Variants in DDIAS observed in about 807,000 individuals in gnomAD.
DDIAS encodes DNA damage-induced apoptosis suppressor protein.
DDIAS carries 14 observed loss-of-function variants against 15.7 expected under a neutral mutation model. The ratio of observed to expected loss-of-function variants is 0.89; its 90% CI spans 0.59 to 1.39. The LOEUF (loss-of-function observed/expected upper bound fraction) is 1.39, where lower values mean the gene tolerates loss of function less well. DDIAS is among the 40% of genes most tolerant of loss of function. The pLI, the probability that DDIAS is intolerant of heterozygous loss-of-function variation, is 0.00. For missense variants in DDIAS, 1,035 were observed against 1,130.9 expected, an observed-to-expected ratio of 0.92 and a Z score of 1.22; for synonymous variants, 355 against 395.9, an observed-to-expected ratio of 0.90 and a Z score of 1.23.
chr11:82,927,920 C>A (rs1590810393), intron 3 of DDIAS, among the ~76,000 whole-genome samples: 1 of 152,084 alleles, frequency 6.6e-6, no homozygotes, highest in Non-Finnish European at 1.5e-5. Flanking sequence ...AACTGTCAGA[C>A]AATGAGTACA....
At chr11:82,909,462 A>G (rs1468685372) in intron 1 of DDIAS, 2 of 152,182 alleles carry the variant, frequency 1.3e-5, no homozygotes, top group Non-Finnish European at 2.9e-5. Flanking sequence ...TCAGCCCAGT[A>G]TGTCTCAGCT....
intron 3 of DDIAS, 101 bp from the exon 4 acceptor site, chr11:82,928,676 T>A: frequency 8.1e-7 from 1 of 1,238,772 alleles, no homozygotes; most frequent in Non-Finnish European, 1.1e-6. Context: ...TAGGAGCATT[T>A]ATACACAAAA....
intron 1 of DDIAS, chr11:82,909,351 T>C (rs1448293160): frequency 6.6e-6 from 1 of 152,204 alleles, no homozygotes; most frequent in African/African-American, 2.4e-5. Context: ...AGCAGGCTTC[T>C]TTACTGCAAC....
chr11:82,932,418 G>A lies in DDIAS; in HGVS notation c.1080G>A (p.Val360=). ...ATACAAAATCCTTCCACAGTGCAGT[G>A]GAAATTAAAAATAGGTCCCAGCATG... is the stretch of plus-strand genomic sequence containing the variant. ...SSNTKSFHSA[V]EIKNRSQHEL... is the part of the protein sequence containing the mutation. Residue 360 remains valine, a synonymous_variant, in exon 6 of 6, where the codon GTG becomes GTA. Coordinates refer to ENST00000533655, the MANE Select transcript of DDIAS (RefSeq NM_145018.4). 2 of 1,614,082 alleles carry A rather than the reference G, an allele frequency of 1.2e-6. No homozygotes were observed. Among genetic ancestry groups the A allele is most frequent in the Non-Finnish European group, 1.7e-6 (2 of 1,179,996 alleles).
chr11:82,928,894 T>G lies in DDIAS; in HGVS notation c.231T>G (p.Ser77Arg). Residue 77 changes from serine (S) to arginine (R), a missense_variant, in exon 4 of 6, where the codon AGT becomes AGG. Physicochemically the swap from Ser to Arg is moderately radical, Grantham distance 110. Transcript: ENST00000533655. ...TGTTTGTTATTACTGTATTTGGAAG[T>G]TGCTTAGATACATTTTTTGGTCTTA... ...NKLFVITVFG[S>R]CLDTFFGLTA... 6.8e-6 allele frequency: 11 copies of G among 1,612,538 alleles called. No individual in the cohort carries two copies. Among genetic ancestry groups the G allele is most frequent in the Non-Finnish European group, 8.5e-6 (10 of 1,179,612 alleles).
At chr11:82,928,677 A>T in intron 3 of DDIAS, 100 bp from the exon 4 acceptor site, 1 of 1,244,058 alleles carries the variant, frequency 8.0e-7, no homozygotes, top group Non-Finnish European at 1.1e-6. Flanking sequence ...AGGAGCATTT[A>T]TACACAAAAT....
chr11:82,933,522 C>G lies in DDIAS; in HGVS notation c.2184C>G (p.Ile728Met). Residue 728 changes from isoleucine to methionine, a missense_variant, in exon 6 of 6, where the codon ATC (isoleucine) becomes ATG (methionine). By Grantham distance (10) the Ile-to-Met change is conservative. Coordinates refer to ENST00000533655, the MANE Select transcript of DDIAS (RefSeq NM_145018.4). ...FSLRSLSEDF[I>M]QPSQKLSLQS... ...TGAGATCACTTTCTGAAGACTTCAT[C>G]CAGCCTTCACAAAAATTATCCTTGC... The G allele has an allele frequency of 6.2e-7, 1 of 1,613,966 alleles. No homozygotes were observed. The highest frequency in any genetic ancestry group is 8.5e-7 in the Non-Finnish European group (1 of 1,179,918).
In DDIAS at chr11:82,933,568, C is replaced by G. The variant is rs772736577; in HGVS notation, c.2230C>G (p.His744Asp). The G allele has an allele frequency of 6.2e-7, 1 of 1,614,040 alleles. No individual in the cohort carries two copies. Residue 744 changes from histidine to aspartate, a missense_variant, in exon 6 of 6, where the codon CAT (histidine) becomes GAT (aspartate). His to Asp is a moderately conservative substitution (Grantham distance 81, BLOSUM62 -1). Transcript: ENST00000533655. ...CTTGCAAAGCCTATCTGACTCTAGG[C>G]ATTCAAGAACATGCTCTCCAACACC... is the stretch of plus-strand genomic sequence containing the variant. ...LSLQSLSDSR[H>D]SRTCSPTPHF...
In DDIAS at chr11:82,934,092, G is replaced by A; in HGVS notation, c.2754G>A (p.Lys918=). ...IRQGTNKGLI[K]KKLKNMLAAV... ...AAGGAACCAATAAAGGTTTAATTAA[G>A]AAGAAATTAAAGAATATGCTTGCAG... Residue 918 remains lysine (K), a synonymous_variant, in exon 6 of 6, where the codon AAG becomes AAA. Transcript: ENST00000533655. The A allele has an allele frequency of 1.9e-6, 3 of 1,608,948 alleles. No homozygotes were observed. Among genetic ancestry groups the A allele is most frequent in the Non-Finnish European group, 2.5e-6 (3 of 1,178,374 alleles).
intron 3 of DDIAS, among the ~76,000 whole-genome samples, chr11:82,917,903 T>C (rs987798622): frequency 6.6e-6 from 1 of 152,196 alleles, no homozygotes; most frequent in Non-Finnish European, 1.5e-5. Context: ...ATTAGTGATG[T>C]TGAGCATTTT....
chr11:82,908,107 A>T (rs1027620712), intron 1 of DDIAS, among the ~76,000 whole-genome samples: 1 of 152,218 alleles, frequency 6.6e-6, no homozygotes, highest in Non-Finnish European at 1.5e-5. Flanking sequence ...CTCTGAAGGG[A>T]TAACATTAGA....
chr11:82,921,765 G>A (rs975631899), intron 3 of DDIAS, among the ~76,000 whole-genome samples: 1 of 151,544 alleles, frequency 6.6e-6, no homozygotes, highest in Non-Finnish European at 1.5e-5. Context: ...TTTTAGTAGA[G>A]ACAGGGTTTC....
At position 82,933,736 on chromosome 11, in the gene DDIAS, G is replaced by T. The variant is rs1165471904; in HGVS notation, c.2398G>T (p.Asp800Tyr). ...TTTCAAAAAACCTGTATTTTATTCAGATCTTGATGGTAACTATGAAAAAAT... is the reference window on the plus strand; with the variant it reads ...TTTCAAAAAACCTGTATTTTATTCATATCTTGATGGTAACTATGAAAAAAT... The part of the protein sequence containing the change: ...RAFKKPVFYS[D>Y]LDGNYEKIRI... The change falls in exon 6 of 6, where the codon GAT (aspartate) becomes TAT (tyrosine). Residue 800 changes from aspartate to tyrosine, a missense_variant. Physicochemically the swap from Asp to Tyr is radical, Grantham distance 160 (BLOSUM62 -3). Coordinates refer to ENST00000533655, the MANE Select transcript of DDIAS (RefSeq NM_145018.4). The T allele has an allele frequency of 1.2e-6, 2 of 1,612,106 alleles. No homozygotes were observed. Among genetic ancestry groups the T allele is most frequent in the South Asian group, 2.2e-5 (2 of 90,378 alleles).
At chr11:82,918,841 G>T (rs1353823880) in intron 3 of DDIAS, among the ~76,000 whole-genome samples, 1 of 151,606 alleles carries the variant, frequency 6.6e-6, no homozygotes, top group Non-Finnish European at 1.5e-5. Context: ...TTTTTTGTGT[G>T]TGTGTTTTTG....
chr11:82,902,835 G>A (rs1052686545), intron 1 of DDIAS, among the ~76,000 whole-genome samples: 1 of 152,168 alleles, frequency 6.6e-6, no homozygotes, highest in African/African-American at 2.4e-5. Flanking sequence ...TGCTTCTTTC[G>A]TCTGTGCCAA....
Position 82,932,642 on chromosome 11 carries a change from T to C in DDIAS, c.1304T>C (p.Val435Ala). 6.2e-7 allele frequency: 1 copy of C among 1,614,108 alleles called. No homozygotes were observed. The highest frequency in any genetic ancestry group is 8.5e-7 in the Non-Finnish European group (1 of 1,180,040). The change falls in exon 6 of 6, where the codon GTA becomes GCA. Residue 435 changes from valine to alanine, a missense_variant. Physicochemically the swap from Val to Ala is moderately conservative, Grantham distance 64. Transcript: ENST00000533655. ...GCAGTTCTTGAAAGTGAGATTGCTG[T>C]AACCCAGGCAGATGTCAGTAGTAGG... ...FLAVLESEIA[V>A]TQADVSSRKH...
At chr11:82,924,429 T>C (rs1730331509) in intron 3 of DDIAS, among the ~76,000 whole-genome samples, 1 of 152,150 alleles carries the variant, frequency 6.6e-6, no homozygotes, top group Non-Finnish European at 1.5e-5. Flanking sequence ...TTTCATCAGA[T>C]TTTTTAAGGT....
Position 82,933,794 on chromosome 11 carries a change from C to T in DDIAS, c.2456C>T (p.Ala819Val). Reference sequence around the variant, plus strand: ...TTCCCTGAAAATGACAAACAGCAAGCCAGCCCAAGCTGTCCAAAAAATATA... The same window carrying T: ...TTCCCTGAAAATGACAAACAGCAAGTCAGCCCAAGCTGTCCAAAAAATATA... ...RIFPENDKQQ[A>V]SPSCPKNIKT... is the part of the protein sequence containing the mutation. The change falls in exon 6 of 6, where the codon GCC becomes GTC. Residue 819 changes from alanine (A) to valine (V), a missense_variant. Ala to Val is a moderately conservative substitution (Grantham distance 64). Transcript: ENST00000533655. The T allele has an allele frequency of 2.5e-6, 4 of 1,611,352 alleles. No homozygotes were observed. Among genetic ancestry groups the T allele is most frequent in the Non-Finnish European group, 3.4e-6 (4 of 1,179,452 alleles).
At chr11:82,905,360 T>A (rs1366524303) in intron 1 of DDIAS, among the ~76,000 whole-genome samples, 1 of 152,222 alleles carries the variant, frequency 6.6e-6, no homozygotes, top group East Asian at 1.9e-4. Context: ...CCAGCATTTT[T>A]ATAGTATTTA....
Sources: gnomAD v4.1 joint callset for allele counts (sites outside exome capture counted in the v4.1 genomes callset) on GRCh38, gnomAD v4.1.1 for gene constraint, MANE v1.5 for transcripts, NCBI Gene and HGNC (gene_info 2026-07-23, HGNC 2026-07-21) for gene names.